ARHGAP19: variants seen among roughly 807,000 people sequenced by gnomAD.
The protein encoded by ARHGAP19 is rho GTPase-activating protein 19.
A neutral mutation model predicts 60.9 loss-of-function variants in ARHGAP19; 48 were observed. The ratio of observed to expected loss-of-function variants is 0.79; its 90% CI spans 0.62 to 1.00. The LOEUF (loss-of-function observed/expected upper bound fraction) is 1.00, where lower values mean the gene tolerates loss of function less well. ARHGAP19 is among the 50% of genes least tolerant of loss of function. The probability of loss-of-function intolerance (pLI) is 0.00; values close to 1 mark genes in which losing one functional copy is unlikely to be tolerated. For missense variants in ARHGAP19, 562 were observed against 597.2 expected (o/e 0.94, Z 0.61); for synonymous variants, 209 against 215.5 (o/e 0.97, Z 0.27).
intron 1 of ARHGAP19, chr10:97,274,882 C>T (rs941435465): frequency 6.6e-6 from 1 of 152,178 alleles, no homozygotes; most frequent in South Asian, 2.1e-4. Flanking sequence ...CAAAAAAGAA[C>T]AATTTCGGGG....
Position 97,225,974 on chromosome 10 carries a change from G to C in ARHGAP19, c.*148C>G. 1.3e-6 allele frequency: 1 copy of C among 744,054 alleles called. No homozygotes were observed. Among genetic ancestry groups the C allele is most frequent in the Non-Finnish European group, 2.2e-6 (1 of 447,000 alleles). 46.1% of individuals were successfully genotyped at this position (744,054 alleles called of 1,614,324 possible). ...CATCATCCAGTGAGTGGGGTTAGAG[G>C]TATCAGTCGGGTCACGGTATTAGTT... On this transcript the variant is annotated 3_prime_UTR_variant, in exon 12 of 12. Transcript: ENST00000358531.
intron 8 of ARHGAP19, among the ~76,000 whole-genome samples, chr10:97,237,000 C>A (rs1457358264): frequency 6.6e-6 from 1 of 152,030 alleles, no homozygotes; most frequent in Non-Finnish European, 1.5e-5. Context: ...CATGGTGGCT[C>A]ATGCCTGTAA....
At chr10:97,236,486 A>G (rs965274322) in intron 8 of ARHGAP19, among the ~76,000 whole-genome samples, 1 of 152,184 alleles carries the variant, frequency 6.6e-6, no homozygotes, top group Non-Finnish European at 1.5e-5. Flanking sequence ...TGGGACAAGT[A>G]AAAAATGCAT....
At chr10:97,289,110 C>A (rs1016548909) in intron 1 of ARHGAP19, among the ~76,000 whole-genome samples, 4 of 148,836 alleles carry the variant, frequency 2.7e-5, no homozygotes, top group Non-Finnish European at 5.9e-5. Context: ...AGCCACCGTG[C>A]CCGGCTTTTT....
chr10:97,242,289 CG>C (rs1425253609), intron 8 of ARHGAP19, among the ~76,000 whole-genome samples: 2 of 140,738 alleles, frequency 1.4e-5, no homozygotes, highest in East Asian at 4.1e-4. Flanking sequence ...AAGTGCAAAA[CG>C]TTTTTTTCTT....
intron 1 of ARHGAP19, among the ~76,000 whole-genome samples, chr10:97,271,940 T>G (rs1392205381): frequency 6.6e-6 from 1 of 151,966 alleles, no homozygotes; most frequent in Non-Finnish European, 1.5e-5. Flanking sequence ...AAACCAACCT[T>G]GCATTTCTCA....
intron 8 of ARHGAP19, among the ~76,000 whole-genome samples, chr10:97,242,385 G>A (rs1158014762): frequency 7.4e-6 from 1 of 135,902 alleles, no homozygotes. Flanking sequence ...CCAGGCTGGA[G>A]TGCAATAGCA....
At chr10:97,228,565 C>T (rs968797897) in intron 11 of ARHGAP19, among the ~76,000 whole-genome samples, 1 of 152,284 alleles carries the variant, frequency 6.6e-6, no homozygotes, top group South Asian at 2.1e-4. Context: ...ACAAATCTCA[C>T]GGTCTTTCCA....
chr10:97,248,932 C>T (rs1842602412), intron 6 of ARHGAP19, among the ~76,000 whole-genome samples: 2 of 152,096 alleles, frequency 1.3e-5, no homozygotes, highest in South Asian at 4.1e-4. Flanking sequence ...ATCCTACCAC[C>T]GTAGCCTCTG....
At chr10:97,265,751 CA>C (rs34107259) in intron 2 of ARHGAP19, 108 bp downstream of exon 2, 1 of 1,449,540 alleles carries the variant, frequency 6.9e-7, no homozygotes. Flanking sequence ...AAAAAATGGC[CA>C]AAAAATGCTT....
chr10:97,263,017 G>A lies in ARHGAP19; in HGVS notation c.613+403C>T, dbSNP rs1016213206. On this transcript the variant is annotated intron_variant, in intron 4 of 11. Coordinates refer to ENST00000358531, the MANE Select transcript of ARHGAP19 (RefSeq NM_032900.6). The stretch of plus-strand genomic sequence containing the variant: ...AGTCCCAGCTACTTGGGAGGCTGAG[G>A]TGGGAGGCTCACCTGAGCCCGGGAG... Among the ~76,000 whole-genome samples, 35 of 152,268 alleles carry A rather than the reference G, an allele frequency of 2.3e-4. No individual in the cohort carries two copies. The Middle Eastern group carries it at 0.02, about 89-fold the overall frequency.
intron 1 of ARHGAP19, among the ~76,000 whole-genome samples, chr10:97,283,746 G>A (rs369158455): frequency 8.7e-5 from 13 of 149,298 alleles, no homozygotes; most frequent in Admixed American, 7.5e-4. Context: ...TGTAATCCCA[G>A]CACTTTGGGT....
chr10:97,238,937 T>C (rs751410765), intron 8 of ARHGAP19, among the ~76,000 whole-genome samples: 7 of 152,196 alleles, frequency 4.6e-5, no homozygotes, highest in Non-Finnish European at 8.8e-5. Context: ...TCTTTTATAC[T>C]GTATTTTTAC....
chr10:97,226,277 C>G (rs1218364098), intron 11 of ARHGAP19, 145 bp from the exon 12 acceptor site: 1 of 769,288 alleles, frequency 1.3e-6, no homozygotes, highest in Non-Finnish European at 2.1e-6. Flanking sequence ...TGTGACTCTA[C>G]CAAATAAACA....
intron 1 of ARHGAP19, 90 bp from the exon 2 acceptor site, chr10:97,266,215 C>T (rs1842898026): frequency 6.8e-7 from 1 of 1,473,194 alleles, no homozygotes; most frequent in Non-Finnish European, 9.2e-7. Flanking sequence ...TGACTCCACG[C>T]AAAGGCAGAG....
At chr10:97,248,643 G>C (rs2134849274) in intron 6 of ARHGAP19, among the ~76,000 whole-genome samples, 1 of 152,154 alleles carries the variant, frequency 6.6e-6, no homozygotes, top group East Asian at 1.9e-4. Flanking sequence ...CAGAAGCCAA[G>C]GTTCCCTGGA....
intron 3 of ARHGAP19, among the ~76,000 whole-genome samples, chr10:97,264,508 G>A (rs1212223714): frequency 6.6e-6 from 1 of 151,402 alleles, no homozygotes; most frequent in African/African-American, 2.4e-5. Flanking sequence ...GGAGAAAAAA[G>A]GTACCATGCT....
chr10:97,253,410 G>A (rs1842714686), intron 6 of ARHGAP19, among the ~76,000 whole-genome samples: 1 of 151,096 alleles, frequency 6.6e-6, no homozygotes, highest in African/African-American at 2.4e-5. Context: ...ATCTCATGGT[G>A]AGGGAGAAAA....
intron 8 of ARHGAP19, among the ~76,000 whole-genome samples, chr10:97,238,651 G>A (rs1405702063): frequency 6.6e-6 from 1 of 152,178 alleles, no homozygotes; most frequent in African/African-American, 2.4e-5. Context: ...TGTGTTTTAA[G>A]CTAAGTGTTA....
Sources: gnomAD v4.1 joint callset for allele counts (sites outside exome capture counted in the v4.1 genomes callset) on GRCh38, gnomAD v4.1.1 for gene constraint, MANE v1.5 for transcripts, NCBI Gene and HGNC (gene_info 2026-07-23, HGNC 2026-07-21) for gene names.